The following DICER1 variants were observed in gnomAD, a reference collection of about 807,000 sequenced individuals.
The protein encoded by DICER1 is dicer 1, ribonuclease III.
DICER1 carries 43 observed loss-of-function variants against 194.1 expected under a neutral mutation model. That is an observed-to-expected ratio of 0.22 (90% CI 0.17 to 0.29). The LOEUF is 0.29. Ranked by LOEUF, DICER1 falls within the 10% of genes least tolerant of loss-of-function variation. The pLI, the probability that DICER1 is intolerant of heterozygous loss-of-function variation, is 1.00. For synonymous variants in DICER1, 832 were observed against 820.5 expected (o/e 1.01, Z -0.24); for missense variants, 1,608 against 2,317.0 (o/e 0.69, Z 6.28).
rs2139764340 is a variant in DICER1 at position 95,090,430 on chromosome 14, C to A, written c.*68G>T. On this transcript the variant is annotated 3_prime_UTR_variant, in exon 27 of 27. Coordinates refer to ENST00000343455, the MANE Select transcript of DICER1 (RefSeq NM_177438.3). ...CACTAACAACTTTAAGTCTTCCTTT[C>A]CGATTTAAATAATTTTCCCCTTAAT... The A allele has an allele frequency of 1.3e-6, 2 of 1,566,488 alleles. No homozygotes were observed. Among genetic ancestry groups the A allele is most frequent in the Non-Finnish European group, 1.8e-6 (2 of 1,139,268 alleles).
At chr14:95,152,238 T>G (rs1202118404) in intron 1 of DICER1, among the ~76,000 whole-genome samples, 1 of 152,214 alleles carries the variant, frequency 6.6e-6, no homozygotes, top group Non-Finnish European at 1.5e-5. Context: ...CCACGATTCT[T>G]AACACTTCCC....
Position 95,122,750 on chromosome 14 carries a change from G to A in DICER1, c.1376+1446C>T, listed in dbSNP as rs547998087. ...CCAATCTTCAACTTCTAATTTAAAT[G>A]TAATTTGGTCCCTAAAGTTATTTTC... On this transcript the variant is annotated intron_variant, in intron 8 of 26. Coordinates refer to ENST00000343455, the MANE Select transcript of DICER1 (RefSeq NM_177438.3). Among the ~76,000 whole-genome samples the A allele has an allele frequency of 5.9e-5, 9 of 152,288 alleles. No individual in the cohort carries two copies. The East Asian group carries it at 1.7e-3, about 29-fold the overall frequency.
rs1555375333 is a variant in DICER1 at position 95,126,660 on chromosome 14, C to A, written c.823G>T (p.Glu275Ter). 1 of 1,588,196 alleles carries A rather than the reference C, an allele frequency of 6.3e-7. No homozygotes were observed. The highest frequency in any genetic ancestry group is 1.7e-4 in the Middle Eastern group (1 of 6,000). The stretch of plus-strand genomic sequence containing the variant: ...TCATTGATAAAATTAAGTGCTTCTT[C>A]TAATTCCATCAGCAGTCTTTCATAA... ...GLYERLLMEL[E>*]EALNFINDCN... The change falls in exon 7 of 27, where the codon GAA (glutamate) becomes TAA (stop). Residue 275 changes from glutamate (E) to a stop codon, truncating the protein, a stop_gained. Coordinates refer to ENST00000343455, the MANE Select transcript of DICER1 (RefSeq NM_177438.3). LOFTEE classifies it high-confidence loss of function.
rs773127286 is a variant in DICER1, at chr14:95,105,067, A to C, written c.3269+4T>G. 4 of 1,613,882 alleles carry C rather than the reference A, an allele frequency of 2.5e-6. No individual in the cohort carries two copies. The highest frequency in any genetic ancestry group is 2.5e-6 in the Non-Finnish European group (3 of 1,179,934). On this transcript the variant is annotated splice_donor_region_variant and intron_variant, in intron 20 of 26. Transcript: ENST00000343455. This position sits in a 1 kb window ranked among gnomAD's most constrained non-coding sequence, Gnocchi z 4.9. The stretch of plus-strand genomic sequence containing the variant: ...GTTCTTTCTGGCTGACTGCACAGGC[A>C]TACCTAAAATCCGCAGGAAGTGATC...
intron 21 of DICER1, among the ~76,000 whole-genome samples, chr14:95,101,027 G>A (rs2139919953): frequency 6.6e-6 from 1 of 152,306 alleles, no homozygotes; most frequent in South Asian, 2.1e-4. Context: ...GTACAACGTG[G>A]ACTCATGGGA....
At chr14:95,156,384 ACT>A (rs1895866663) in intron 1 of DICER1, among the ~76,000 whole-genome samples, 1 of 151,952 alleles carries the variant, frequency 6.6e-6, no homozygotes, top group Admixed American at 6.6e-5. Context: ...TTTAACCACA[ACT>A]CTCTCCACAA....
At chr14:95,132,712 TTACC>T in intron 2 of DICER1, 35 bp from the exon 3 acceptor site, 1 of 1,597,642 alleles carries the variant, frequency 6.3e-7, no homozygotes, top group Non-Finnish European at 8.6e-7. Context: ...TATGCACTTC[TTACC>T]TAAGTACAAA....
intron 6 of DICER1, 58 bp from the exon 7 acceptor site, chr14:95,126,806 A>G: frequency 8.2e-7 from 1 of 1,226,016 alleles, no homozygotes; most frequent in Admixed American, 2.2e-5. Context: ...CAATTTAAAA[A>G]AAGTTTTTCA....
chr14:95,096,769 G>A, intron 22 of DICER1, 56 bp from the exon 23 acceptor site: 1 of 1,534,368 alleles, frequency 6.5e-7, no homozygotes, highest in South Asian at 1.2e-5. Context: ...TTTTAAAAGG[G>A]TTTGAAACTC....
At position 95,095,907 on chromosome 14, in the gene DICER1, C is replaced by A. The variant is rs751819396; in HGVS notation, c.5013G>T (p.Lys1671Asn). The A allele has an allele frequency of 6.2e-7, 1 of 1,613,996 alleles. No individual in the cohort carries two copies. The highest frequency in any genetic ancestry group is 1.3e-5 in the African/African-American group (1 of 74,918). The change falls in exon 23 of 27, where the codon AAG (lysine) becomes AAT (asparagine). Residue 1671 changes from lysine (K) to asparagine (N), a missense_variant. This residue lies in a region of DICER1 where 125 missense variants were observed against 134.9 expected (regional missense o/e 0.93). Coordinates refer to ENST00000343455, the MANE Select transcript of DICER1 (RefSeq NM_177438.3). ...TATTCTTGAATCTGTAGTTGATTTT[C>A]TTTTCAAAATTTTCAAACCCCGATA... ...HLISGFENFE[K>N]KINYRFKNKA...
chr14:95,103,483 T>G lies in DICER1; in HGVS notation c.3913A>C (p.Asn1305His), dbSNP rs2139956453. The change falls in exon 21 of 27, where the codon AAC (asparagine) becomes CAC (histidine). Residue 1305 changes from asparagine to histidine, a missense_variant. Transcript: ENST00000343455. ...TCCAGGTTAAATCCATCACTAGCGT[T>G]TGACAGAGTCAAAGCCTGAAGAATA... ...GLILQALTLSNASDGFNLERL... is the reference protein window; with the variant it reads ...GLILQALTLSHASDGFNLERL... 1 of 1,614,180 alleles carries G rather than the reference T, an allele frequency of 6.2e-7. No homozygotes were observed.
intron 1 of DICER1, among the ~76,000 whole-genome samples, chr14:95,150,240 T>C (rs1213134603): frequency 6.6e-6 from 1 of 152,114 alleles, no homozygotes; most frequent in African/African-American, 2.4e-5. Context: ...TCCCAGCACT[T>C]TGGGAGGCAG....
chr14:95,114,117 C>T (rs1337046060), intron 11 of DICER1, among the ~76,000 whole-genome samples: 1 of 152,174 alleles, frequency 6.6e-6, no homozygotes, highest in African/African-American at 2.4e-5. Context: ...ACTAAAACGC[C>T]TGGCAGCAGC....
At chr14:95,104,236 TA>T (rs1447223852) in intron 20 of DICER1, 110 bp from the exon 21 acceptor site, 11 of 911,310 alleles carry the variant, frequency 1.2e-5, no homozygotes, top group Admixed American at 2.5e-5. Context: ...AATGTACTCC[TA>T]AACTTTAGAA....
intron 1 of DICER1, among the ~76,000 whole-genome samples, chr14:95,149,511 T>A (rs1461769645): frequency 2.0e-5 from 3 of 152,174 alleles, no homozygotes; most frequent in Non-Finnish European, 4.4e-5. Context: ...TTAGCACACA[T>A]GGGCTAGCTA....
In DICER1 at chr14:95,113,082, C is replaced by T; in HGVS notation, c.2040+10G>A. On this transcript the variant is annotated intron_variant, in intron 12 of 26. Coordinates refer to ENST00000343455, the MANE Select transcript of DICER1 (RefSeq NM_177438.3). ...TAAAAGATAACAATCATTTCTTCTT[C>T]TAAACTTACAACAATGGAGGCTCGA... 3.7e-6 allele frequency: 6 copies of T among 1,613,174 alleles called. No homozygotes were observed. Among genetic ancestry groups the T allele is most frequent in the Non-Finnish European group, 5.1e-6 (6 of 1,179,152 alleles).
intron 1 of DICER1, among the ~76,000 whole-genome samples, chr14:95,138,465 C>G (rs1412594830): frequency 1.3e-5 from 2 of 151,778 alleles, no homozygotes; most frequent in East Asian, 3.9e-4. Context: ...ACCAAAAATA[C>G]CTGAAAAGAT....
chr14:95,093,023 G>A (rs575444892), intron 24 of DICER1, among the ~76,000 whole-genome samples: 3 of 152,230 alleles, frequency 2.0e-5, no homozygotes, highest in East Asian at 3.9e-4. Context: ...TCGGCTCTGC[G>A]GCTAGACTTC....
rs1890255915 is a variant in DICER1, at chr14:95,095,825, C to T, written c.5095G>A (p.Asp1699Asn). ...TGAAGTCTGGTCGTGGGCTCCTTAC[C>T]AGTGATAGTATTGTAGTGGTAGGAG... ...HASYHYNTIT[D>N]CYQRLEFLGD... The change falls in exon 23 of 27, where the codon GAT becomes AAT. Residue 1699 changes from aspartate (D) to asparagine (N), a missense_variant and splice_region_variant. Physicochemically the swap from Asp to Asn is conservative, Grantham distance 23. Transcript: ENST00000343455. 6.2e-7 allele frequency: 1 copy of T among 1,614,020 alleles called. No homozygotes were observed. The highest frequency in any genetic ancestry group is 8.5e-7 in the Non-Finnish European group (1 of 1,179,978).
Sources: gnomAD v4.1 joint callset for allele counts (sites outside exome capture counted in the v4.1 genomes callset) on GRCh38, gnomAD v4.1.1 for gene constraint, gnomAD v4.1.1 regional missense constraint, Gnocchi (gnomAD v3.1) non-coding constraint, MANE v1.5 for transcripts, NCBI Gene and HGNC (gene_info 2026-07-23, HGNC 2026-07-21) for gene names.